Variants in LRP4 observed in about 807,000 individuals in gnomAD.
LRP4 encodes low-density lipoprotein receptor-related protein 4.
A neutral mutation model predicts 220.3 loss-of-function variants in LRP4; 95 were observed. The ratio of observed to expected loss-of-function variants is 0.43; its 90% CI spans 0.37 to 0.51. The LOEUF (loss-of-function observed/expected upper bound fraction) is 0.51. Ranked by LOEUF, LRP4 falls within the 20% of genes least tolerant of loss-of-function variation. The pLI, the probability that LRP4 is intolerant of heterozygous loss-of-function variation, is 0.00. For synonymous variants in LRP4, 903 were observed against 954.6 expected (o/e 0.95, Z 1.00); for missense variants, 1,925 against 2,567.0 (o/e 0.75, Z 5.40).
Position 46,889,435 on chromosome 11 carries a change from T to C in LRP4, c.2191A>G (p.Ile731Val). 7 of 1,614,140 alleles carry C rather than the reference T, an allele frequency of 4.3e-6. No homozygotes were observed. Among genetic ancestry groups the C allele is most frequent in the Non-Finnish European group, 1.7e-6 (2 of 1,180,022 alleles). Reference protein sequence around the residue: ...TCACPTGFRKISSHACAQSLD... With the variant: ...TCACPTGFRKVSSHACAQSLD... Reference sequence around the variant, plus strand: ...CTCTGGGCACAGGCGTGGCTGCTGATCTTGCGGAAGCCAGTGGGGCAGGCA... The same window carrying C: ...CTCTGGGCACAGGCGTGGCTGCTGACCTTGCGGAAGCCAGTGGGGCAGGCA... Residue 731 changes from isoleucine to valine, a missense_variant, in exon 16 of 38, where the codon ATC becomes GTC. Around this residue, in one of 3 missense-constraint regions of LRP4, gnomAD observed 1,244 missense variants for 1,624.9 expected, o/e 0.77. Transcript: ENST00000378623.
chr11:46,903,373 A>G (rs1941704252), intron 1 of LRP4, among the ~76,000 whole-genome samples: 1 of 152,200 alleles, frequency 6.6e-6, no homozygotes, highest in South Asian at 2.1e-4. Context: ...ATGTGCCTGT[A>G]GTCCCAGCTA....
chr11:46,861,087 C>G (rs1940533373), intron 37 of LRP4: 1 of 261,630 alleles, frequency 3.8e-6, no homozygotes, highest in African/African-American at 2.3e-5. Flanking sequence ...ATCAGATACT[C>G]CAGGAACCCA....
In LRP4 at chr11:46,873,918, A is replaced by G. The variant is rs975197034; in HGVS notation, c.4230-325T>C. 1 of 351,366 alleles carries G rather than the reference A, an allele frequency of 2.8e-6. No individual in the cohort carries two copies. The highest frequency in any genetic ancestry group is 2.0e-5 in the African/African-American group (1 of 48,964). The allele number at this position is 351,366 out of a possible 1,614,324, so 21.8% of individuals were successfully genotyped here. ...AGACAAGGATTGCTAGGTGGTGATG[A>G]TAAGAAACGCAGATTTGTCAAAACC... On this transcript the variant is annotated intron_variant, in intron 28 of 37. Transcript: ENST00000378623. The surrounding 1 kb of genome is among the most constrained non-coding windows in gnomAD (Gnocchi z 4.2).
chr11:46,910,905 G>A (rs1941848664), intron 1 of LRP4, among the ~76,000 whole-genome samples: 1 of 151,912 alleles, frequency 6.6e-6, no homozygotes. Flanking sequence ...CAAACTCCTG[G>A]CCTCAAGTGA....
Position 46,879,244 on chromosome 11 carries a change from G to A in LRP4, c.2886C>T (p.Asp962=), listed in dbSNP as rs1941094034. ...TLYGERIYWT[D]WQTKSIQSAD... is the part of the protein sequence containing the mutation. The stretch of plus-strand genomic sequence containing the variant: ...CGCTCTGTATGCTCTTGGTCTGCCA[G>A]TCAGTCCAATAGATGCGCTCTCCAT... Residue 962 remains aspartate, a synonymous_variant, in exon 21 of 38, where the codon GAC becomes GAT. Transcript: ENST00000378623. 6.2e-7 allele frequency: 1 copy of A among 1,614,246 alleles called. No individual in the cohort carries two copies. The highest frequency in any genetic ancestry group is 8.5e-7 in the Non-Finnish European group (1 of 1,180,046).
chr11:46,899,197 G>A lies in LRP4; in HGVS notation c.548-165C>T, dbSNP rs1426515025. On this transcript the variant is annotated intron_variant, in intron 5 of 37. Transcript: ENST00000378623. The surrounding 1 kb of genome is among the most constrained non-coding windows in gnomAD (Gnocchi z 5.9). ...CCCTTATAGACGCCCATATTCAGGT[G>A]GACCAAAGGAAGCCTTCCCTTCCCA... Among the ~76,000 whole-genome samples the A allele has an allele frequency of 9.2e-5, 14 of 152,172 alleles. No individual in the cohort carries two copies. Among genetic ancestry groups the A allele is most frequent in the Non-Finnish European group, 1.5e-4 (10 of 68,038 alleles).
At chr11:46,915,429 C>T (rs2134892707) in intron 1 of LRP4, among the ~76,000 whole-genome samples, 1 of 152,304 alleles carries the variant, frequency 6.6e-6, no homozygotes, top group Admixed American at 6.5e-5. Context: ...GGGCTATTAC[C>T]AGCCATCAAG....
At chr11:46,900,177 G>T in intron 3 of LRP4, 85 bp downstream of exon 3, 1 of 1,094,984 alleles carries the variant, frequency 9.1e-7, no homozygotes, top group Non-Finnish European at 1.4e-6. Context: ...AAGGGCTCAT[G>T]TGGACCTGGG....
Position 46,890,182 on chromosome 11 carries a change from C to A in LRP4, c.1916-62G>T. ...GTCTGCCATGTCCCCTGGGCCCAGGCCTGGCAACTACACAAAACCTCTACC... is the reference window on the plus strand; with the variant it reads ...GTCTGCCATGTCCCCTGGGCCCAGGACTGGCAACTACACAAAACCTCTACC... On this transcript the variant is annotated intron_variant, in intron 14 of 37. Transcript: ENST00000378623. This position sits in a 1 kb window ranked among gnomAD's most constrained non-coding sequence, Gnocchi z 5.3. 6.2e-7 allele frequency: 1 copy of A among 1,607,272 alleles called. No homozygotes were observed. Among genetic ancestry groups the A allele is most frequent in the Non-Finnish European group, 8.5e-7 (1 of 1,174,176 alleles).
intron 13 of LRP4, among the ~76,000 whole-genome samples, chr11:46,891,428 T>TACACACACAC (rs57116396): frequency 4.1e-5 from 6 of 147,086 alleles, no homozygotes; most frequent in African/African-American, 1.5e-4. Flanking sequence ...TTGTATTTTA[T>TACACACACAC]ACACACACAC....
intron 13 of LRP4, among the ~76,000 whole-genome samples, chr11:46,892,424 G>T (rs1213083793): frequency 6.6e-6 from 1 of 151,926 alleles, no homozygotes; most frequent in Non-Finnish European, 1.5e-5. Flanking sequence ...CTATGATGGA[G>T]GTATTTTTTT....
intron 36 of LRP4, chr11:46,863,042 C>T (rs1280536290): frequency 2.4e-5 from 10 of 418,298 alleles, no homozygotes; most frequent in Non-Finnish European, 4.5e-5. Context: ...GAGAAGCAAC[C>T]TGCCATGTTG....
chr11:46,906,306 A>C (rs1461803897), intron 1 of LRP4, among the ~76,000 whole-genome samples: 1 of 152,088 alleles, frequency 6.6e-6, no homozygotes, highest in African/African-American at 2.4e-5. Context: ...AAATACAAAA[A>C]TTAGCTGGGC....
At chr11:46,878,772 T>C in intron 22 of LRP4, 135 bp downstream of exon 22, 3 of 1,318,706 alleles carry the variant, frequency 2.3e-6, no homozygotes, top group Non-Finnish European at 3.2e-6. Flanking sequence ...AAGCCGTGAG[T>C]CTCTCCCCTG....
At chr11:46,874,724 T>A in intron 28 of LRP4, 76 bp downstream of exon 28, 1 of 1,275,500 alleles carries the variant, frequency 7.8e-7, no homozygotes, top group Non-Finnish European at 1.1e-6. Context: ...ATCCATTTAG[T>A]GGTCAGAACA....
intron 1 of LRP4, among the ~76,000 whole-genome samples, chr11:46,913,652 G>A (rs1353906653): frequency 6.6e-6 from 1 of 152,130 alleles, no homozygotes; most frequent in African/African-American, 2.4e-5. Flanking sequence ...AACTGTTCCA[G>A]CTACAAGAGT....
Position 46,894,666 on chromosome 11 carries a change from G to GA in LRP4, c.1462_1463insT (p.Thr488IlefsTer36). ...GTTGGCACGGAGGATCCGGTCCAGGGTGACATCTGACCAGAAGACAAGCTC... is the reference window on the plus strand; with the variant it reads ...GTTGGCACGGAGGATCCGGTCCAGGGATGACATCTGACCAGAAGACAAGCTC... On this transcript the variant is annotated frameshift_variant, in exon 12 of 38. Transcript: ENST00000378623. LOFTEE classifies it high-confidence loss of function. The GA allele has an allele frequency of 6.2e-7, 1 of 1,614,214 alleles. No homozygotes were observed. Among genetic ancestry groups the GA allele is most frequent in the Non-Finnish European group, 8.5e-7 (1 of 1,180,036 alleles).
chr11:46,905,854 A>G (rs1259166705), intron 1 of LRP4, among the ~76,000 whole-genome samples: 2 of 141,000 alleles, frequency 1.4e-5, no homozygotes, highest in Non-Finnish European at 3.0e-5. Flanking sequence ...CTCCGTCTCA[A>G]AAAAAAAAAA....
At chr11:46,891,122 A>C (rs1369787488) in intron 13 of LRP4, among the ~76,000 whole-genome samples, 5 of 151,540 alleles carry the variant, frequency 3.3e-5, no homozygotes, top group African/African-American at 7.3e-5. Flanking sequence ...TTTGTATTTT[A>C]TTTTCTTTTA....
Sources: gnomAD v4.1 joint callset for allele counts (sites outside exome capture counted in the v4.1 genomes callset) on GRCh38, gnomAD v4.1.1 for gene constraint, gnomAD v4.1.1 regional missense constraint, Gnocchi (gnomAD v3.1) non-coding constraint, MANE v1.5 for transcripts, NCBI Gene and HGNC (gene_info 2026-07-23, HGNC 2026-07-21) for gene names.